Variants in PCDH15 observed in about 807,000 individuals in gnomAD.
PCDH15 encodes protocadherin-15.
In PCDH15, 129 loss-of-function variants were observed where a neutral mutation model predicts 178.5. The ratio of observed to expected loss-of-function variants is 0.72; its 90% confidence interval spans 0.63 to 0.84. PCDH15 has a LOEUF of 0.84. Among genes scored for constraint, PCDH15 ranks in the 40% least tolerant of loss-of-function variants. The pLI is 0.00. For missense variants in PCDH15, 2,230 were observed against 2,099.9 expected (o/e 1.06, Z -1.21); for synonymous variants, 800 against 732.0 (o/e 1.09, Z -1.50).
intron 3 of PCDH15, among the ~76,000 whole-genome samples, chr10:54,467,611 T>G (rs1461780187): frequency 2.0e-5 from 3 of 147,418 alleles, no homozygotes; most frequent in Non-Finnish European, 3.0e-5. Context: ...GTTTTTTTTT[T>G]TTTTTTTTTT....
At chr10:55,118,230 AG>A (rs1837674779) in intron 2 of PCDH15, among the ~76,000 whole-genome samples, 1 of 152,212 alleles carries the variant, frequency 6.6e-6, no homozygotes, top group African/African-American at 2.4e-5. Context: ...GGGCTGTTTC[AG>A]GGATGAAATT....
rs16906863 is a variant in PCDH15, at chr10:55,039,949, A to G, written c.-80+126627T>C. Among the ~76,000 whole-genome samples the G allele has an allele frequency of 4.0e-3, 609 of 152,284 alleles. 1 individual carries two copies. The highest frequency in any genetic ancestry group is 0.034 in the East Asian group (175 of 5,184). ...AAACAAAAAAACCCACCATCAAACCATAGGTATCCCATATGGTGGAAAAGG... is the reference window on the plus strand; with the variant it reads ...AAACAAAAAAACCCACCATCAAACCGTAGGTATCCCATATGGTGGAAAAGG... On this transcript the variant is annotated intron_variant, in intron 2 of 5. Transcript: ENST00000458638.
In PCDH15 at chr10:53,840,576, A is replaced by T. The variant is rs1041021500; in HGVS notation, c.3807-80T>A. The T allele has an allele frequency of 3.7e-5, 48 of 1,307,408 alleles. 1 individual carries two copies. In the African/African-American group the frequency reaches 5.7e-4, roughly 16 times the overall value. The allele number at this position is 1,307,408 out of a possible 1,614,324, so 81.0% of individuals were successfully genotyped here. A position where few individuals can be genotyped will look rare whatever the true frequency, so the allele number is the denominator to read the frequency against. On this transcript the variant is annotated intron_variant, in intron 28 of 37. Transcript: ENST00000644397. The stretch of plus-strand genomic sequence containing the variant: ...AAAATTACTCTTAACTTGAAAAGAC[A>T]TTTAGTAAATGAAAAATGATGACAG...
intron 1 of PCDH15, among the ~76,000 whole-genome samples, chr10:54,778,597 T>C (rs141544895): frequency 6.6e-6 from 1 of 152,288 alleles, no homozygotes; most frequent in East Asian, 1.9e-4. Flanking sequence ...TTGGGAATAA[T>C]GTACAGTGGT....
chr10:54,191,324 C>A lies in PCDH15; in HGVS notation c.1305+4359G>T, dbSNP rs138161762. Reference sequence around the variant, plus strand: ...GCAACTAAAATTGGATAATGAATACCGTGGAAAGATTCTCGAATGAAGGAA... The same window carrying A: ...GCAACTAAAATTGGATAATGAATACAGTGGAAAGATTCTCGAATGAAGGAA... On this transcript the variant is annotated intron_variant, in intron 11 of 37. Transcript: ENST00000644397. 3.3e-3 allele frequency among the ~76,000 whole-genome samples: 498 copies of A among 152,116 alleles called. 4 individuals are homozygous for A. Among genetic ancestry groups the A allele is most frequent in the African/African-American group, 0.011 (467 of 41,510 alleles).
chr10:55,443,983 A>G (rs1315649153), intron 2 of PCDH15, among the ~76,000 whole-genome samples: 1 of 152,178 alleles, frequency 6.6e-6, no homozygotes, highest in Non-Finnish European at 1.5e-5. Context: ...TGTCCTTCGA[A>G]GGGAAATGCA....
chr10:54,300,194 G>A (rs538320293), intron 8 of PCDH15, among the ~76,000 whole-genome samples: 1 of 152,256 alleles, frequency 6.6e-6, no homozygotes, highest in African/African-American at 2.4e-5. Context: ...GATAGTAAGA[G>A]ATGCTGCCAG....
At chr10:54,899,927 A>G (rs1954613863) in intron 2 of PCDH15, among the ~76,000 whole-genome samples, 1 of 80,036 alleles carries the variant, frequency 1.2e-5, no homozygotes, top group South Asian at 5.1e-4. Context: ...CCAATAATAA[A>G]GTGCTTTAAA....
chr10:54,618,215 T>G (rs2093242663), intron 2 of PCDH15, among the ~76,000 whole-genome samples: 1 of 152,144 alleles, frequency 6.6e-6, no homozygotes, highest in South Asian at 2.1e-4. Context: ...CAAATGCACC[T>G]ATTAAAATGA....
intron 2 of PCDH15, among the ~76,000 whole-genome samples, chr10:54,926,574 C>G (rs547654759): frequency 6.6e-6 from 1 of 151,782 alleles, no homozygotes; most frequent in Non-Finnish European, 1.5e-5. Flanking sequence ...TTGAATCTGG[C>G]TGGTGCTGGG....
intron 8 of PCDH15, among the ~76,000 whole-genome samples, chr10:54,247,824 C>CA (rs1312672359): frequency 2.7e-5 from 4 of 150,306 alleles, no homozygotes; most frequent in Non-Finnish European, 4.4e-5. Flanking sequence ...ACATTACTTG[C>CA]ACCACTGCAC....
chr10:55,077,128 T>C (rs1401827922), intron 2 of PCDH15, among the ~76,000 whole-genome samples: 1 of 151,328 alleles, frequency 6.6e-6, no homozygotes, highest in East Asian at 1.9e-4. Flanking sequence ...TTTATTTGAG[T>C]GGAATATCTT....
chr10:54,629,826 C>G (rs2093654507), intron 2 of PCDH15, among the ~76,000 whole-genome samples: 1 of 152,054 alleles, frequency 6.6e-6, no homozygotes, highest in Admixed American at 6.6e-5. Flanking sequence ...TGATATAATT[C>G]TGTACCTAGA....
rs1356899090 is a variant in PCDH15, at chr10:54,421,887, C to CTATATATATATAT, written c.158-42946_158-42945insATATATATATATA. Among the ~76,000 whole-genome samples, 157 of 87,860 alleles carry CTATATATATATAT rather than the reference C, an allele frequency of 1.8e-3. 2 individuals are homozygous for CTATATATATATAT. The highest frequency in any genetic ancestry group is 2.9e-3 in the Non-Finnish European group (129 of 44,678). 57.6% of individuals were successfully genotyped at this position (87,860 alleles called of 152,430 possible). ...TACACACACTATATATATATATACA[C>CTATATATATATAT]ACACACACTATATATATATATACAC... On this transcript the variant is annotated intron_variant, in intron 3 of 37. Coordinates refer to ENST00000644397, the MANE Select transcript of PCDH15 (RefSeq NM_001384140.1).
At chr10:55,516,837 T>A (rs1589101746) in intron 2 of PCDH15, among the ~76,000 whole-genome samples, 1 of 152,282 alleles carries the variant, frequency 6.6e-6, no homozygotes, top group East Asian at 1.9e-4. Flanking sequence ...TCAGATTTTT[T>A]TTGTGAATTT....
intron 1 of PCDH15, among the ~76,000 whole-genome samples, chr10:55,232,294 C>A (rs1457658759): frequency 5.3e-5 from 8 of 151,786 alleles, no homozygotes; most frequent in Admixed American, 1.3e-4. Context: ...TGTTAACATT[C>A]ATGGAATAAT....
At chr10:54,563,549 A>T (rs1181270519) in intron 2 of PCDH15, among the ~76,000 whole-genome samples, 3 of 152,210 alleles carry the variant, frequency 2.0e-5, no homozygotes, top group Non-Finnish European at 4.4e-5. Flanking sequence ...GCAGCAAAAG[A>T]GTAACATATT....
At chr10:55,369,269 A>C (rs1845439366) in intron 2 of PCDH15, among the ~76,000 whole-genome samples, 1 of 151,956 alleles carries the variant, frequency 6.6e-6, no homozygotes, top group Non-Finnish European at 1.5e-5. Context: ...CTAGGTAAGT[A>C]GTTTCTGCAC....
intron 18 of PCDH15, among the ~76,000 whole-genome samples, chr10:54,026,438 G>T (rs2093095639): frequency 6.6e-6 from 1 of 152,072 alleles, no homozygotes; most frequent in East Asian, 1.9e-4. Context: ...AATGCTAAAT[G>T]GGGCATCCTC....
Sources: allele counts gnomAD v4.1 joint callset (sites outside exome capture counted in the v4.1 genomes callset), GRCh38; gene constraint gnomAD v4.1.1; transcripts MANE v1.5; gene names NCBI Gene and HGNC (gene_info 2026-07-23, HGNC 2026-07-21).